Variants in PRDM16 observed in about 807,000 individuals in gnomAD.
The protein encoded by PRDM16 is histone-lysine N-methyltransferase PRDM16.
In PRDM16, 23 loss-of-function variants were observed where a neutral mutation model predicts 110.6. The ratio of observed to expected loss-of-function variants is 0.21; its 90% CI spans 0.15 to 0.29. The LOEUF (loss-of-function observed/expected upper bound fraction) is 0.29. Ranked by LOEUF, PRDM16 falls within the 10% of genes least tolerant of loss-of-function variation. The probability of loss-of-function intolerance (pLI) is 1.00; values close to 1 mark genes in which losing one functional copy is unlikely to be tolerated. For synonymous variants in PRDM16, 799 were observed against 781.8 expected, an observed-to-expected ratio of 1.02 and a Z score of -0.37; for missense variants, 1,615 against 1,794.3, an observed-to-expected ratio of 0.90 and a Z score of 1.81.
At chr1:3,098,536 G>C (rs58263547) in intron 1 of PRDM16, among the ~76,000 whole-genome samples, 3,524 of 152,274 alleles carry the variant, frequency 0.023, 131 homozygotes, top group African/African-American at 0.081. Context: ...TTCCCCCATG[G>C]GTGAAGGTCC....
In PRDM16 at chr1:3,435,141, C is replaced by T. The variant is rs56213232; in HGVS notation, c.*1330C>T. The T allele has an allele frequency of 2.3e-3, 511 of 226,380 alleles. 4 individuals carry two copies. Among genetic ancestry groups the T allele is most frequent in the Non-Finnish European group, 2.6e-3 (297 of 113,762 alleles). 14.0% of individuals were successfully genotyped at this position (226,380 alleles called of 1,614,324 possible). ...CTTGGGACGCAACTTCTTCCCCACTCGGATGGGCTTTAAATTATTCCCATA... is the reference window on the plus strand; with the variant it reads ...CTTGGGACGCAACTTCTTCCCCACTTGGATGGGCTTTAAATTATTCCCATA... On this transcript the variant is annotated 3_prime_UTR_variant, in exon 17 of 17. Coordinates refer to ENST00000270722, the MANE Select transcript of PRDM16 (RefSeq NM_022114.4).
At chr1:3,136,683 G>C (rs747673531) in intron 1 of PRDM16, among the ~76,000 whole-genome samples, 2 of 152,066 alleles carry the variant, frequency 1.3e-5, no homozygotes, top group African/African-American at 2.4e-5. Flanking sequence ...GGGCTTATCA[G>C]GCATCTCCTG....
intron 1 of PRDM16, among the ~76,000 whole-genome samples, chr1:3,109,360 G>A (rs1021443971): frequency 1.3e-5 from 2 of 152,006 alleles, no homozygotes; most frequent in Non-Finnish European, 2.9e-5. Context: ...TTCACCAAGG[G>A]GCAGCACCAT....
At chr1:3,346,085 G>T (rs1397189382) in intron 3 of PRDM16, among the ~76,000 whole-genome samples, 5 of 152,286 alleles carry the variant, frequency 3.3e-5, no homozygotes, top group African/African-American at 1.2e-4. Flanking sequence ...TGTGGGCTTT[G>T]TGAGACCTGG....
At position 3,404,906 on chromosome 1, in the gene PRDM16, C is replaced by A; in HGVS notation, c.1032+20C>A. The A allele has an allele frequency of 6.2e-7, 1 of 1,609,996 alleles. No individual in the cohort carries two copies. The highest frequency in any genetic ancestry group is 2.2e-5 in the East Asian group (1 of 44,834). ...GTGAAGGTAACCTGCGGGGCGGCCC[C>A]GTCTCAGCCCCGGGGCAGCAGGAGG... On this transcript the variant is annotated intron_variant, in intron 7 of 16. Coordinates refer to ENST00000270722, the MANE Select transcript of PRDM16 (RefSeq NM_022114.4).
chr1:3,436,414 T>G lies in PRDM16; in HGVS notation c.*2603T>G. 1 of 230,372 alleles carries G rather than the reference T, an allele frequency of 4.3e-6. No individual in the cohort carries two copies. The highest frequency in any genetic ancestry group is 8.6e-6 in the Non-Finnish European group (1 of 116,276). 14.3% of individuals were successfully genotyped at this position (230,372 alleles called of 1,614,324 possible). Reference sequence around the variant, plus strand: ...TTCCTTCCACCTTTCCCAAGAGTCCTGGTTGCACGTTTTAAGTCATATATT... The same window carrying G: ...TTCCTTCCACCTTTCCCAAGAGTCCGGGTTGCACGTTTTAAGTCATATATT... On this transcript the variant is annotated 3_prime_UTR_variant, in exon 17 of 17. Coordinates refer to ENST00000270722, the MANE Select transcript of PRDM16 (RefSeq NM_022114.4).
chr1:3,112,275 G>A (rs946069929), intron 1 of PRDM16, among the ~76,000 whole-genome samples: 1 of 152,238 alleles, frequency 6.6e-6, no homozygotes, highest in Non-Finnish European at 1.5e-5. Flanking sequence ...AGAGGAAACA[G>A]AAGGGAGCAC....
intron 2 of PRDM16, among the ~76,000 whole-genome samples, chr1:3,197,030 C>T (rs1398696536): frequency 6.6e-6 from 1 of 152,182 alleles, no homozygotes; most frequent in East Asian, 1.9e-4. Flanking sequence ...GGCTCATCAG[C>T]ATGGCTCCTG....
At chr1:3,291,052 G>A (rs1640962544) in intron 3 of PRDM16, among the ~76,000 whole-genome samples, 1 of 151,840 alleles carries the variant, frequency 6.6e-6, no homozygotes, top group Non-Finnish European at 1.5e-5. Flanking sequence ...CAGGAGGATC[G>A]CCCAGGCAGC....
chr1:3,360,239 G>A (rs985379463), intron 3 of PRDM16, among the ~76,000 whole-genome samples: 4 of 152,190 alleles, frequency 2.6e-5, no homozygotes, highest in East Asian at 1.9e-4. Context: ...GGGCCAGAGC[G>A]ACCAGTCCCC....
At chr1:3,424,017 C>T (rs1569767528) in intron 12 of PRDM16, among the ~76,000 whole-genome samples, 1 of 152,348 alleles carries the variant, frequency 6.6e-6, no homozygotes, top group African/African-American at 2.4e-5. Context: ...ACATGCCAAG[C>T]ACCCACGTGC....
At chr1:3,347,474 C>T (rs954081485) in intron 3 of PRDM16, among the ~76,000 whole-genome samples, 1 of 152,198 alleles carries the variant, frequency 6.6e-6, no homozygotes, top group Admixed American at 6.5e-5. Context: ...AGGCCCCGCC[C>T]TCCTGCGTCT....
intron 3 of PRDM16, among the ~76,000 whole-genome samples, chr1:3,278,505 C>T (rs113983558): frequency 0.015 from 2,317 of 152,298 alleles, 64 homozygotes; most frequent in African/African-American, 0.052. Flanking sequence ...TCGGCAACCC[C>T]CTCTTCTAAG....
At chr1:3,196,572 G>A (rs537983983) in intron 2 of PRDM16, among the ~76,000 whole-genome samples, 7 of 152,268 alleles carry the variant, frequency 4.6e-5, no homozygotes, top group East Asian at 1.9e-4. Flanking sequence ...CAGGGTGCCC[G>A]TGGCACCAGA....
chr1:3,077,024 G>C (rs552588331), intron 1 of PRDM16, among the ~76,000 whole-genome samples: 1 of 152,120 alleles, frequency 6.6e-6, no homozygotes, highest in African/African-American at 2.4e-5. Context: ...TCTGGCTCTG[G>C]GGCCAGTCCC....
At chr1:3,344,356 G>A (rs567503450) in intron 3 of PRDM16, among the ~76,000 whole-genome samples, 33 of 152,022 alleles carry the variant, frequency 2.2e-4, no homozygotes, top group Middle Eastern at 3.2e-3. Context: ...ATTTCATGCA[G>A]TATACTTTTC....
Position 3,243,863 on chromosome 1 carries a change from A to T in PRDM16, c.388-224A>T, listed in dbSNP as rs1347958644. ...GGAGTGCAGTGTTTCCAGGGAGGTGAAGTCCCTGGGGGGCGCTTGGAGTCC... is the reference window on the plus strand; with the variant it reads ...GGAGTGCAGTGTTTCCAGGGAGGTGTAGTCCCTGGGGGGCGCTTGGAGTCC... On this transcript the variant is annotated intron_variant, in intron 2 of 16. Coordinates refer to ENST00000270722, the MANE Select transcript of PRDM16 (RefSeq NM_022114.4). This position sits in a 1 kb window ranked among gnomAD's most constrained non-coding sequence, Gnocchi z 5.5. Among the ~76,000 whole-genome samples, 2 of 152,042 alleles carry T rather than the reference A, an allele frequency of 1.3e-5. No homozygotes were observed. The highest frequency in any genetic ancestry group is 4.8e-5 in the African/African-American group (2 of 41,404).
At chr1:3,405,199 G>T (rs1643539736) in intron 7 of PRDM16, among the ~76,000 whole-genome samples, 2 of 152,202 alleles carry the variant, frequency 1.3e-5, no homozygotes, top group South Asian at 4.1e-4. Flanking sequence ...TCCACCCCGA[G>T]CCCGCCAGGG....
chr1:3,411,177 CTGTG>C (rs1295442728), intron 8 of PRDM16, among the ~76,000 whole-genome samples: 3 of 152,204 alleles, frequency 2.0e-5, no homozygotes, highest in African/African-American at 7.2e-5. Flanking sequence ...ATGCACCTGC[CTGTG>C]TATTTGTGTG....
Sources: gnomAD v4.1 joint callset for allele counts (sites outside exome capture counted in the v4.1 genomes callset) on GRCh38, gnomAD v4.1.1 for gene constraint, Gnocchi (gnomAD v3.1) non-coding constraint, MANE v1.5 for transcripts, NCBI Gene and HGNC (gene_info 2026-07-23, HGNC 2026-07-21) for gene names.